ERBB4: variants seen among roughly 807,000 people sequenced by gnomAD.
ERBB4 encodes erb-b2 receptor tyrosine kinase 4, also known as receptor tyrosine-protein kinase erbB-4.
Under a neutral mutation model 158.0 loss-of-function variants are expected in ERBB4, and 42 were observed. The observed-to-expected ratio is 0.27, with a 90% confidence interval of 0.21 to 0.34. The LOEUF (loss-of-function observed/expected upper bound fraction) is 0.34, where lower values mean the gene tolerates loss of function less well. ERBB4 is among the 10% of genes least tolerant of loss of function. ERBB4 has a pLI of 1.00. For synonymous variants in ERBB4, 583 were observed against 558.7 expected (o/e 1.04, Z -0.61); for missense variants, 1,333 against 1,624.1 (o/e 0.82, Z 3.08).
At chr2:211,900,932 G>A (rs1189962943) in intron 3 of ERBB4, among the ~76,000 whole-genome samples, 1 of 152,094 alleles carries the variant, frequency 6.6e-6, no homozygotes, top group Non-Finnish European at 1.5e-5. Context: ...TCATATATTA[G>A]GATTCAAGAC....
chr2:212,410,239 T>C (rs2091458432), intron 1 of ERBB4, among the ~76,000 whole-genome samples: 1 of 139,142 alleles, frequency 7.2e-6, no homozygotes, highest in Non-Finnish European at 1.6e-5. Context: ...AATGTATTTA[T>C]TGCTATGTTT....
chr2:211,879,219 G>T (rs1429545551), intron 3 of ERBB4, among the ~76,000 whole-genome samples: 1 of 151,788 alleles, frequency 6.6e-6, no homozygotes, highest in Non-Finnish European at 1.5e-5. Flanking sequence ...ACATAAAACA[G>T]GTTAGTGAAA....
intron 2 of ERBB4, among the ~76,000 whole-genome samples, chr2:212,060,653 C>T (rs1395280084): frequency 9.1e-6 from 1 of 109,806 alleles, no homozygotes; most frequent in African/African-American, 2.7e-5. Context: ...AGTTCGTGTC[C>T]TTTGTAGGGA....
intron 1 of ERBB4, among the ~76,000 whole-genome samples, chr2:212,128,639 G>A (rs1188383431): frequency 6.6e-6 from 1 of 152,110 alleles, no homozygotes; most frequent in Non-Finnish European, 1.5e-5. Context: ...ACACAGAAAG[G>A]ATTAAATTCT....
At chr2:212,415,187 G>A (rs896078504) in intron 1 of ERBB4, among the ~76,000 whole-genome samples, 3 of 152,024 alleles carry the variant, frequency 2.0e-5, no homozygotes, top group Non-Finnish European at 4.4e-5. Context: ...CCAAGAACTG[G>A]GAAAGGAAAT....
In ERBB4 at chr2:211,382,171, T is replaced by C. The variant is rs1440057278; in HGVS notation, c.*1444A>G. 4.3e-6 allele frequency: 1 copy of C among 231,184 alleles called. No individual in the cohort carries two copies. Among genetic ancestry groups the C allele is most frequent in the African/African-American group, 2.2e-5 (1 of 45,244 alleles). 14.3% of individuals were successfully genotyped at this position (231,184 alleles called of 1,614,324 possible). ...TTGAATGTTTGTGTTTTTCTTTTTATTATACCAATTTATGTGCAAAGAGTT... is the reference window on the plus strand; with the variant it reads ...TTGAATGTTTGTGTTTTTCTTTTTACTATACCAATTTATGTGCAAAGAGTT... On this transcript the variant is annotated 3_prime_UTR_variant, in exon 28 of 28. Coordinates refer to ENST00000342788, the MANE Select transcript of ERBB4 (RefSeq NM_005235.3).
intron 17 of ERBB4, among the ~76,000 whole-genome samples, chr2:211,629,947 G>T (rs188375269): frequency 2.6e-5 from 4 of 152,256 alleles, no homozygotes; most frequent in Admixed American, 2.6e-4. Flanking sequence ...AAAAAACCTA[G>T]AAGAAAACTT....
chr2:211,562,864 C>T (rs965478579), intron 19 of ERBB4, among the ~76,000 whole-genome samples: 8 of 149,062 alleles, frequency 5.4e-5, no homozygotes, highest in African/African-American at 1.7e-4. Context: ...CTCCGCCTCC[C>T]GGGTTCACGC....
At chr2:212,395,852 C>T (rs760718013) in intron 1 of ERBB4, among the ~76,000 whole-genome samples, 6 of 152,018 alleles carry the variant, frequency 3.9e-5, no homozygotes, top group African/African-American at 9.7e-5. Context: ...CTCTTGACCT[C>T]GTGATCTGCC....
intron 4 of ERBB4, among the ~76,000 whole-genome samples, chr2:211,770,120 T>C (rs962987788): frequency 2.0e-5 from 3 of 152,236 alleles, no homozygotes; most frequent in African/African-American, 7.2e-5. Context: ...CAAATTCTCA[T>C]ATAGCAGGAT....
chr2:212,080,163 T>C (rs1279522888), intron 2 of ERBB4, among the ~76,000 whole-genome samples: 1 of 151,402 alleles, frequency 6.6e-6, no homozygotes, highest in East Asian at 1.9e-4. Flanking sequence ...AATACAAAAA[T>C]TAGCAGGGTG....
chr2:212,379,864 T>C (rs1262676574), intron 1 of ERBB4, among the ~76,000 whole-genome samples: 1 of 150,732 alleles, frequency 6.6e-6, no homozygotes, highest in African/African-American at 2.4e-5. Flanking sequence ...ATACTACCAA[T>C]GGGAGGCTGA....
intron 20 of ERBB4, among the ~76,000 whole-genome samples, chr2:211,542,728 T>C (rs2066843649): frequency 6.6e-6 from 1 of 151,926 alleles, no homozygotes; most frequent in Non-Finnish European, 1.5e-5. Context: ...ATATTTAAAA[T>C]ACAGATTTCC....
intron 3 of ERBB4, among the ~76,000 whole-genome samples, chr2:211,902,362 A>G (rs1241485359): frequency 1.3e-5 from 2 of 152,100 alleles, no homozygotes; most frequent in African/African-American, 4.8e-5. Flanking sequence ...AGCATTTTTA[A>G]TATATTATAG....
chr2:211,987,710 G>A (rs963709203), intron 2 of ERBB4, among the ~76,000 whole-genome samples: 9 of 152,176 alleles, frequency 5.9e-5, no homozygotes, highest in Admixed American at 2.6e-4. Flanking sequence ...CAAAAAAAAT[G>A]CAATTGTTTC....
At position 212,258,378 on chromosome 2, in the gene ERBB4, A is replaced by G. The variant is rs144351097; in HGVS notation, c.83-133475T>C. On this transcript the variant is annotated intron_variant, in intron 1 of 27. Transcript: ENST00000342788. ...TGGTTTACCTAAACAAAACTGTATC[A>G]TAGAATTTTAACAACAATAACGAAA... 6.4e-3 allele frequency among the ~76,000 whole-genome samples: 974 copies of G among 151,874 alleles called. 14 individuals carry two copies. The highest frequency in any genetic ancestry group is 0.022 in the African/African-American group (932 of 41,544).
At chr2:211,790,659 G>C (rs959153943) in intron 3 of ERBB4, among the ~76,000 whole-genome samples, 10 of 151,968 alleles carry the variant, frequency 6.6e-5, no homozygotes, top group Non-Finnish European at 1.2e-4. Context: ...TAAGACACAT[G>C]ATCAATCCAG....
intron 1 of ERBB4, among the ~76,000 whole-genome samples, chr2:212,300,344 A>G (rs2086572905): frequency 6.6e-6 from 1 of 151,584 alleles, no homozygotes; most frequent in Non-Finnish European, 1.5e-5. Context: ...AACACTGTCA[A>G]TTACATAAAA....
At chr2:211,510,551 C>A (rs936278460) in intron 20 of ERBB4, among the ~76,000 whole-genome samples, 2 of 151,964 alleles carry the variant, frequency 1.3e-5, no homozygotes, top group Non-Finnish European at 2.9e-5. Flanking sequence ...CTAAAATGAA[C>A]CCTGTTCTAT....
Sources: allele counts gnomAD v4.1 joint callset (sites outside exome capture counted in the v4.1 genomes callset), GRCh38; gene constraint gnomAD v4.1.1; transcripts MANE v1.5; gene names NCBI Gene and HGNC (gene_info 2026-07-23, HGNC 2026-07-21).